The following VWA8 variants were observed in gnomAD, a reference collection of about 807,000 sequenced individuals.
The protein encoded by VWA8 is von Willebrand factor A domain-containing protein 8.
A neutral mutation model predicts 241.5 loss-of-function variants in VWA8; 221 were observed. That is an observed-to-expected ratio of 0.91 (90% confidence interval 0.82 to 1.02). The LOEUF (loss-of-function observed/expected upper bound fraction) is 1.02, where lower values mean the gene tolerates loss of function less well. Ranked by LOEUF, VWA8 falls within the 50% of genes least tolerant of loss-of-function variation. The pLI, the probability that VWA8 is intolerant of heterozygous loss-of-function variation, is 0.00. For synonymous variants in VWA8, 852 were observed against 827.1 expected (o/e 1.03, Z -0.52); for missense variants, 2,322 against 2,328.7 (o/e 1.00, Z 0.06).
intron 17 of VWA8, among the ~76,000 whole-genome samples, chr13:41,800,967 A>T (rs1869931264): frequency 6.6e-6 from 1 of 152,106 alleles, no homozygotes. Context: ...AATTTTTCTG[A>T]CCTTTATTAA....
At chr13:41,571,681 G>A (rs958910401) in intron 43 of VWA8, among the ~76,000 whole-genome samples, 6 of 152,206 alleles carry the variant, frequency 3.9e-5, no homozygotes, top group African/African-American at 9.7e-5. Context: ...GTGCAGTGGC[G>A]TGATCTCGGC....
intron 9 of VWA8, among the ~76,000 whole-genome samples, chr13:41,877,315 C>T (rs541218986): frequency 1.3e-5 from 2 of 152,022 alleles, no homozygotes; most frequent in Admixed American, 1.3e-4. Context: ...TGAAACATTT[C>T]TCATATTTGT....
At chr13:41,796,137 G>A (rs1869691345) in intron 17 of VWA8, among the ~76,000 whole-genome samples, 1 of 152,064 alleles carries the variant, frequency 6.6e-6, no homozygotes, top group Admixed American at 6.6e-5. Context: ...CACTCCATGA[G>A]CATTTGTAAT....
At chr13:41,576,448 AAAC>A (rs2044350917) in intron 42 of VWA8, among the ~76,000 whole-genome samples, 1 of 152,254 alleles carries the variant, frequency 6.6e-6, no homozygotes, top group African/African-American at 2.4e-5. Flanking sequence ...GCTAGCTGAC[AAAC>A]AACAATCCAT....
chr13:41,646,842 C>A (rs1303116455), intron 37 of VWA8, among the ~76,000 whole-genome samples: 1 of 152,220 alleles, frequency 6.6e-6, no homozygotes, highest in Admixed American at 6.5e-5. Flanking sequence ...TGAACTGCAT[C>A]ATACCAGACA....
chr13:41,865,306 T>C (rs1245225573), intron 12 of VWA8: 1 of 393,098 alleles, frequency 2.5e-6, no homozygotes, highest in Non-Finnish European at 5.0e-6. Context: ...ATTTATCTTT[T>C]CTTTATGCTG....
intron 12 of VWA8, among the ~76,000 whole-genome samples, chr13:41,837,822 T>C (rs1425389651): frequency 3.9e-5 from 6 of 152,182 alleles, no homozygotes; most frequent in African/African-American, 1.4e-4. Context: ...TATATTTTTC[T>C]TATCCTGAAA....
At chr13:41,872,391 C>T (rs534760941) in intron 9 of VWA8, among the ~76,000 whole-genome samples, 192 of 152,238 alleles carry the variant, frequency 1.3e-3, no homozygotes, top group African/African-American at 3.1e-3. Context: ...CATGCCTATG[C>T]CCTGAATGGT....
intron 43 of VWA8, among the ~76,000 whole-genome samples, chr13:41,573,756 T>A (rs758119055): frequency 6.6e-6 from 1 of 151,486 alleles, no homozygotes. Context: ...TGGCTGGGAT[T>A]GCGGGTGCCC....
At chr13:41,736,466 G>A (rs980248093) in intron 21 of VWA8, among the ~76,000 whole-genome samples, 1 of 152,106 alleles carries the variant, frequency 6.6e-6, no homozygotes, top group African/African-American at 2.4e-5. Flanking sequence ...CCTCTAGAGA[G>A]CAAGCACAAT....
At chr13:41,615,643 C>G (rs974186992) in intron 37 of VWA8, among the ~76,000 whole-genome samples, 1 of 152,030 alleles carries the variant, frequency 6.6e-6, no homozygotes, top group Non-Finnish European at 1.5e-5. Context: ...ATTTTTTTGA[C>G]CCACTTCAAT....
chr13:41,881,822 A>C (rs1593841630), intron 9 of VWA8, among the ~76,000 whole-genome samples: 1 of 131,334 alleles, frequency 7.6e-6, no homozygotes, highest in Non-Finnish European at 1.6e-5. Context: ...GGTGCCCCTC[A>C]CCTCCCGGAC....
intron 37 of VWA8, among the ~76,000 whole-genome samples, chr13:41,655,278 G>A (rs2044896123): frequency 6.6e-6 from 1 of 151,906 alleles, no homozygotes; most frequent in African/African-American, 2.4e-5. Flanking sequence ...TAGGAGAGAT[G>A]GGGTTTCGCC....
intron 2 of VWA8, among the ~76,000 whole-genome samples, chr13:41,940,607 G>A (rs944606393): frequency 6.6e-6 from 1 of 152,128 alleles, no homozygotes; most frequent in Non-Finnish European, 1.5e-5. Context: ...GTAAATGAAT[G>A]CACAAAAACA....
rs1321721303 is a variant in VWA8, at chr13:41,887,247, G to C, written c.766C>G (p.Pro256Ala). Residue 256 changes from proline (P) to alanine (A), a missense_variant, in exon 6 of 45, where the codon CCT (proline) becomes GCT (alanine). By Grantham distance (27) the Pro-to-Ala change is conservative. Coordinates refer to ENST00000379310, the MANE Select transcript of VWA8 (RefSeq NM_015058.2). ...PRYSGNPLDP[P>A]LRSRFQARDI... ...CTGGCTTGAAATCGAGAACGAAGAG[G>C]GGGGTCTAATGGATTCCCAGAATAC... 13 of 1,613,386 alleles carry C rather than the reference G, an allele frequency of 8.1e-6. No individual in the cohort carries two copies. The highest frequency in any genetic ancestry group is 5.0e-5 in the Admixed American group (3 of 59,866).
chr13:41,587,488 A>G (rs1007998709), intron 42 of VWA8, 24 bp downstream of exon 42: 2 of 1,613,710 alleles, frequency 1.2e-6, no homozygotes, highest in Admixed American at 1.7e-5. Flanking sequence ...GATGCCTCTC[A>G]TTATTCTTAG....
intron 21 of VWA8, among the ~76,000 whole-genome samples, chr13:41,746,503 G>A (rs995974862): frequency 4.6e-5 from 7 of 152,108 alleles, no homozygotes; most frequent in African/African-American, 1.4e-4. Context: ...CACTTGGTGG[G>A]TACACTGAAA....
At chr13:41,830,714 C>A in intron 13 of VWA8, 72 bp from the exon 14 acceptor site, 2 of 1,318,702 alleles carry the variant, frequency 1.5e-6, no homozygotes, top group Non-Finnish European at 1.1e-6. Flanking sequence ...GAGGCAGAAT[C>A]AGTCAGCCAA....
At chr13:41,841,517 T>C (rs571241561) in intron 12 of VWA8, among the ~76,000 whole-genome samples, 56 of 152,026 alleles carry the variant, frequency 3.7e-4, no homozygotes, top group South Asian at 1.9e-3. Context: ...CCGGGTGCGG[T>C]GGCTCACGCC....
Sources: gnomAD v4.1 joint callset for allele counts (sites outside exome capture counted in the v4.1 genomes callset) on GRCh38, gnomAD v4.1.1 for gene constraint, MANE v1.5 for transcripts, NCBI Gene and HGNC (gene_info 2026-07-23, HGNC 2026-07-21) for gene names.